Variants in DNAH6 observed in about 807,000 individuals in gnomAD.
The protein encoded by DNAH6 is axonemal beta dynein heavy chain 6.
A neutral mutation model predicts 491.4 loss-of-function variants in DNAH6; 340 were observed. The observed-to-expected ratio is 0.69, with a 90% CI of 0.63 to 0.76. The LOEUF is 0.76. DNAH6 is among the 30% of genes least tolerant of loss of function. The pLI is 0.00. For synonymous variants in DNAH6, 1,603 were observed against 1,686.1 expected, an observed-to-expected ratio of 0.95 and a Z score of 1.21; for missense variants, 4,443 against 4,972.2, an observed-to-expected ratio of 0.89 and a Z score of 3.20.
At chr2:84,675,528 C>T (rs1693157179) in intron 40 of DNAH6, among the ~76,000 whole-genome samples, 1 of 152,218 alleles carries the variant, frequency 6.6e-6, no homozygotes, top group African/African-American at 2.4e-5. Context: ...CCTTCCAGCT[C>T]TCCACTGCAA....
chr2:84,804,698 C>T (rs187800784), intron 70 of DNAH6, among the ~76,000 whole-genome samples: 7 of 152,192 alleles, frequency 4.6e-5, no homozygotes, highest in African/African-American at 1.7e-4. Flanking sequence ...TTTAACTGAT[C>T]AACTTAAAAA....
chr2:84,726,577 T>A (rs2104952012), intron 60 of DNAH6, among the ~76,000 whole-genome samples: 1 of 152,120 alleles, frequency 6.6e-6, no homozygotes, highest in East Asian at 1.9e-4. Flanking sequence ...AGGTGGGAAT[T>A]GAACAATGAG....
intron 11 of DNAH6, among the ~76,000 whole-genome samples, chr2:84,572,625 A>C (rs1682009521): frequency 6.6e-6 from 1 of 152,228 alleles, no homozygotes; most frequent in Admixed American, 6.5e-5. Context: ...TATTCTTTGT[A>C]ATTAAATTTT....
chr2:84,798,045 C>T (rs1052063012), intron 70 of DNAH6, among the ~76,000 whole-genome samples: 18 of 152,278 alleles, frequency 1.2e-4, no homozygotes, highest in Admixed American at 6.5e-4. Context: ...TGGATCCATA[C>T]GTGATTCAAT....
chr2:84,610,815 G>A (rs1686252703), intron 21 of DNAH6, among the ~76,000 whole-genome samples: 1 of 152,188 alleles, frequency 6.6e-6, no homozygotes, highest in African/African-American at 2.4e-5. Context: ...GTCCTGTCCA[G>A]CCTTCTGGAC....
At chr2:84,654,281 C>T (rs1016116691) in intron 34 of DNAH6, among the ~76,000 whole-genome samples, 3 of 152,076 alleles carry the variant, frequency 2.0e-5, no homozygotes, top group Admixed American at 6.6e-5. Flanking sequence ...CAGCTACCAA[C>T]ATTATGAAGG....
chr2:84,774,442 T>A (rs529826503), intron 64 of DNAH6, among the ~76,000 whole-genome samples: 1 of 152,142 alleles, frequency 6.6e-6, no homozygotes, highest in Non-Finnish European at 1.5e-5. Flanking sequence ...TTTGTACCAG[T>A]ACCATGCTGC....
chr2:84,803,889 TA>T (rs1679172350), intron 70 of DNAH6, among the ~76,000 whole-genome samples: 1 of 152,274 alleles, frequency 6.6e-6, no homozygotes, highest in Non-Finnish European at 1.5e-5. Context: ...ATGAAATTCA[TA>T]CAAACATATT....
chr2:84,566,036 T>G (rs1481725554), intron 11 of DNAH6, among the ~76,000 whole-genome samples: 1 of 152,048 alleles, frequency 6.6e-6, no homozygotes, highest in African/African-American at 2.4e-5. Context: ...GAGTCTTGTC[T>G]TTTTATCCAG....
intron 60 of DNAH6, among the ~76,000 whole-genome samples, chr2:84,724,792 C>T (rs1451101416): frequency 2.0e-5 from 3 of 152,266 alleles, no homozygotes; most frequent in Non-Finnish European, 1.5e-5. Flanking sequence ...CCAAAGTAAA[C>T]GTTCAAAGAA....
intron 4 of DNAH6, among the ~76,000 whole-genome samples, chr2:84,534,058 A>T (rs1014980594): frequency 2.0e-5 from 3 of 152,080 alleles, no homozygotes; most frequent in African/African-American, 7.2e-5. Flanking sequence ...TAAAATTATG[A>T]CATATTTATT....
chr2:84,736,938 C>T (rs969559820), intron 62 of DNAH6, among the ~76,000 whole-genome samples: 1 of 152,058 alleles, frequency 6.6e-6, no homozygotes, highest in African/African-American at 2.4e-5. Flanking sequence ...CAGCTATTGT[C>T]CTTTCAGTAT....
In DNAH6 at chr2:84,669,416, C is replaced by G. The variant is rs1378324401; in HGVS notation, c.6212C>G (p.Pro2071Arg). ...RDVPFFEMLV[P>R]TTDTVRYGYL... is the part of the protein sequence containing the mutation. Reference sequence around the variant, plus strand: ...GTTCCATTTTTTGAAATGCTTGTCCCCACAACTGACACAGTGCGCTATGGG... The same window carrying G: ...GTTCCATTTTTTGAAATGCTTGTCCGCACAACTGACACAGTGCGCTATGGG... The change falls in exon 38 of 77, where the codon CCC becomes CGC. Residue 2071 changes from proline (P) to arginine (R), a missense_variant. By Grantham distance (103) the Pro-to-Arg change is moderately radical. Coordinates refer to ENST00000389394, the MANE Select transcript of DNAH6 (RefSeq NM_001370.2). The G allele has an allele frequency of 5.2e-6, 8 of 1,551,964 alleles. No individual in the cohort carries two copies. Among genetic ancestry groups the G allele is most frequent in the Non-Finnish European group, 7.0e-6 (8 of 1,147,042 alleles).
intron 67 of DNAH6, among the ~76,000 whole-genome samples, chr2:84,786,509 A>T (rs986626091): frequency 4.6e-5 from 7 of 151,904 alleles, no homozygotes; most frequent in Non-Finnish European, 7.4e-5. Context: ...ACAGGTTGGG[A>T]TCAGAGGTTC....
chr2:84,618,990 G>A (rs1687139744), intron 23 of DNAH6, among the ~76,000 whole-genome samples: 1 of 152,108 alleles, frequency 6.6e-6, no homozygotes, highest in Non-Finnish European at 1.5e-5. Flanking sequence ...TTTGGCCTGG[G>A]GCTGTAACTT....
At chr2:84,757,073 G>A (rs1674105622) in intron 63 of DNAH6, among the ~76,000 whole-genome samples, 1 of 152,166 alleles carries the variant, frequency 6.6e-6, no homozygotes, top group Non-Finnish European at 1.5e-5. Context: ...AGAAATGCCT[G>A]TATATCTAGG....
chr2:84,509,809 T>G, the DNAH6 span, among the ~76,000 whole-genome samples: 1 of 152,162 alleles, frequency 6.6e-6, no homozygotes, highest in South Asian at 2.1e-4. Context: ...GTCTGTAAAG[T>G]ATTTTATTTC....
chr2:84,745,876 G>A (rs1161617942), intron 63 of DNAH6, among the ~76,000 whole-genome samples: 1 of 152,098 alleles, frequency 6.6e-6, no homozygotes, highest in African/African-American at 2.4e-5. Flanking sequence ...TGACAACAAT[G>A]GAGAGGAGAC....
rs371762116 is a variant in DNAH6 at position 84,697,595 on chromosome 2, A to G, written c.7545A>G (p.Leu2515=). Residue 2515 remains leucine (L), a synonymous_variant, in exon 47 of 77, where the codon CTA becomes CTG. Coordinates refer to ENST00000389394, the MANE Select transcript of DNAH6 (RefSeq NM_001370.2). ...TACAGATTGTAGTGGAGGAGTTCCT[A>G]GAAGATATAAATAACATCCTGAACT... ...TDTQIVVEEF[L]EDINNILNSG... The G allele has an allele frequency of 1.9e-5, 29 of 1,551,804 alleles. No individual in the cohort carries two copies. The Admixed American group carries it at 5.7e-4, about 30-fold the overall frequency.
Sources: allele counts gnomAD v4.1 joint callset (sites outside exome capture counted in the v4.1 genomes callset), GRCh38; gene constraint gnomAD v4.1.1; transcripts MANE v1.5; gene names NCBI Gene and HGNC (gene_info 2026-07-23, HGNC 2026-07-21).